Variants in AGRN observed in about 807,000 individuals in gnomAD.
AGRN encodes agrin proteoglycan.
Under a neutral mutation model 211.0 loss-of-function variants are expected in AGRN, and 106 were observed. The observed-to-expected ratio is 0.50, with a 90% CI of 0.43 to 0.59. The LOEUF is 0.59. Among genes scored for constraint, AGRN ranks in the 20% least tolerant of loss-of-function variants. AGRN has a pLI of 0.00. For missense variants in AGRN, 3,040 were observed against 2,982.6 expected, an observed-to-expected ratio of 1.02 and a Z score of -0.45; for synonymous variants, 1,525 against 1,332.5, an observed-to-expected ratio of 1.14 and a Z score of -3.15.
At chr1:1,052,073 G>A in intron 33 of AGRN, 3 of 1,468,036 alleles carry the variant, frequency 2.0e-6, no homozygotes, top group South Asian at 2.4e-5. Flanking sequence ...CATCCTTCCT[G>A]GTGGGGAGCA....
At chr1:1,051,202 G>T (rs761679389) in intron 30 of AGRN, 51 bp from the exon 31 acceptor site, 8 of 1,553,110 alleles carry the variant, frequency 5.2e-6, no homozygotes, top group Non-Finnish European at 7.0e-6. Context: ...TGGGCCCTGG[G>T]TCTGCACCGT....
chr1:1,028,320 G>GCACCCC (rs779617012), intron 2 of AGRN, among the ~76,000 whole-genome samples: 1,142 of 105,106 alleles, frequency 0.011, 100 homozygotes, highest in African/African-American at 0.019. Context: ...GTGGGGAAAC[G>GCACCCC]CCCCCCCCCC....
At chr1:1,045,069 G>T (rs1645052569) in intron 12 of AGRN, 92 bp from the exon 13 acceptor site, 1 of 1,390,662 alleles carries the variant, frequency 7.2e-7, no homozygotes, top group Admixed American at 1.7e-5. Flanking sequence ...CGGCTGAGTG[G>T]TGACAGTGGG....
At chr1:1,045,042 G>C in intron 12 of AGRN, 119 bp from the exon 13 acceptor site, 2 of 1,133,934 alleles carry the variant, frequency 1.8e-6, no homozygotes, top group Non-Finnish European at 2.7e-6. Flanking sequence ...GGGCTCCTCT[G>C]GGAGCTGGGA....
At chr1:1,045,610 C>A (rs1484782786) in intron 14 of AGRN, 87 bp downstream of exon 14, 2 of 1,605,388 alleles carry the variant, frequency 1.2e-6, no homozygotes, top group Non-Finnish European at 1.7e-6. Flanking sequence ...CCTGCCCAGG[C>A]CCTGGCCTGA....
chr1:1,035,913 G>A (rs1405207423), intron 3 of AGRN, among the ~76,000 whole-genome samples: 1 of 152,124 alleles, frequency 6.6e-6, no homozygotes, highest in East Asian at 1.9e-4. Context: ...TCCTCCCCGG[G>A]GTGCTCCTGG....
At position 1,026,219 on chromosome 1, in the gene AGRN, C is replaced by T. The variant is rs78583450; in HGVS notation, c.463+3757C>T. Among the ~76,000 whole-genome samples the T allele has an allele frequency of 3.0e-3, 463 of 152,256 alleles. 12 individuals are homozygous for T. The East Asian group carries it at 0.079, about 26-fold the overall frequency. On this transcript the variant is annotated intron_variant, in intron 2 of 35. Transcript: ENST00000379370. Reference sequence around the variant, plus strand: ...GGGAAGGTTGTTTTGGAACTGGGCTCGCTCCCGCTTGTCCACACTGGCCGC... The same window carrying T: ...GGGAAGGTTGTTTTGGAACTGGGCTTGCTCCCGCTTGTCCACACTGGCCGC...
chr1:1,054,190 G>A (rs1406475910), intron 34 of AGRN, among the ~76,000 whole-genome samples: 2 of 152,198 alleles, frequency 1.3e-5, no homozygotes, highest in East Asian at 3.8e-4. Flanking sequence ...GGCCCTGCCC[G>A]GAGCCTGCCG....
intron 2 of AGRN, among the ~76,000 whole-genome samples, chr1:1,033,812 A>G (rs1254771761): frequency 1.4e-4 from 5 of 36,688 alleles, no homozygotes; most frequent in African/African-American, 4.1e-4. Flanking sequence ...CCCCGGGCCC[A>G]GCCCCAGCCC....
At chr1:1,029,103 C>T (rs982793262) in intron 2 of AGRN, among the ~76,000 whole-genome samples, 4 of 149,890 alleles carry the variant, frequency 2.7e-5, no homozygotes, top group Non-Finnish European at 5.9e-5. Flanking sequence ...CGCCCACAGC[C>T]ACGCCACCCT....
chr1:1,028,350 C>T (rs1481761596), intron 2 of AGRN, among the ~76,000 whole-genome samples: 3 of 130,536 alleles, frequency 2.3e-5, no homozygotes, highest in African/African-American at 8.4e-5. Flanking sequence ...CTGCACCTGG[C>T]TGGCGGCACC....
Position 1,040,830 on chromosome 1 carries a change from C to T in AGRN, c.677C>T (p.Ala226Val). Residue 226 changes from alanine to valine, a missense_variant, in exon 4 of 36, where the codon GCG (alanine) becomes GTG (valine). Coordinates refer to ENST00000379370, the MANE Select transcript of AGRN (RefSeq NM_198576.4). Reference sequence around the variant, plus strand: ...AGCAACGAATGCGAGCTGCAGCGGGCGCAGTGCAGCCAGCAGCGCCGCATC... The same window carrying T: ...AGCAACGAATGCGAGCTGCAGCGGGTGCAGTGCAGCCAGCAGCGCCGCATC... ...TYSNECELQR[A>V]QCSQQRRIRL... 1 of 1,536,010 alleles carries T rather than the reference C, an allele frequency of 6.5e-7. No individual in the cohort carries two copies. Among genetic ancestry groups the T allele is most frequent in the Non-Finnish European group, 8.7e-7 (1 of 1,147,214 alleles).
chr1:1,029,385 G>GGATCAGTGTCTATGCAGGCAGGTGGGGT (rs1644596348), intron 2 of AGRN, among the ~76,000 whole-genome samples: 1 of 124,910 alleles, frequency 8.0e-6, no homozygotes, highest in Non-Finnish European at 1.7e-5. Context: ...GCAGGTGGGG[G>GGATCAGTGTCTATGCAGGCAGGTGGGGT]GATCAGTGTC....
Position 1,046,020 on chromosome 1 carries a change from G to C in AGRN, c.2737G>C (p.Val913Leu). Residue 913 changes from valine (V) to leucine (L), a missense_variant, in exon 16 of 36, where the codon GTG (valine) becomes CTG (leucine). Physicochemically the swap from Val to Leu is conservative, Grantham distance 32 (BLOSUM62 1). This residue lies in a region of AGRN where 1,498 missense variants were observed against 1,457.8 expected (regional missense o/e 1.03). Coordinates refer to ENST00000379370, the MANE Select transcript of AGRN (RefSeq NM_198576.4). ...GCGCTGTGAGTTCGGTGCGCGGTGC[G>C]TGGAGGAGTCTGGCTCAGCCCACTG... ...EMRCEFGARC[V>L]EESGSAHCVC... The C allele has an allele frequency of 1.2e-6, 2 of 1,614,034 alleles. No homozygotes were observed. Among genetic ancestry groups the C allele is most frequent in the Non-Finnish European group, 1.7e-6 (2 of 1,180,012 alleles).
chr1:1,023,674 C>T (rs1318790906), intron 2 of AGRN, among the ~76,000 whole-genome samples: 1 of 152,166 alleles, frequency 6.6e-6, no homozygotes, highest in Admixed American at 6.5e-5. Flanking sequence ...CAGGTGGGTC[C>T]AGCCCGAGAG....
intron 33 of AGRN, chr1:1,053,529 C>G: frequency 6.5e-7 from 1 of 1,529,366 alleles, no homozygotes; most frequent in South Asian, 1.2e-5. Flanking sequence ...AGACCCCTGG[C>G]TGGCCCATCT....
In AGRN at chr1:1,051,561, C is replaced by G. The variant is rs1336650223; in HGVS notation, c.5479C>G (p.Leu1827Val). ...PCTRASGHPC[L>V]NGASCVPREA... is the part of the protein sequence containing the mutation. ...CACCCGGGCCTCAGGCCACCCCTGC[C>G]TCAATGGGGCCTCCTGCGTCCCGAG... The change falls in exon 32 of 36, where the codon CTC becomes GTC. Residue 1827 changes from leucine to valine, a missense_variant. Physicochemically the swap from Leu to Val is conservative, Grantham distance 32 (BLOSUM62 1). Around this residue, in one of 3 missense-constraint regions of AGRN, gnomAD observed 1,537 missense variants for 1,505.0 expected, o/e 1.02. Transcript: ENST00000379370. 6.3e-7 allele frequency: 1 copy of G among 1,586,260 alleles called. No homozygotes were observed. Among genetic ancestry groups the G allele is most frequent in the African/African-American group, 1.3e-5 (1 of 74,614 alleles).
Position 1,048,187 on chromosome 1 carries a change from G to A in AGRN, c.3927G>A (p.Arg1309=). 6.4e-7 allele frequency: 1 copy of A among 1,569,090 alleles called. No individual in the cohort carries two copies. The highest frequency in any genetic ancestry group is 8.6e-7 in the Non-Finnish European group (1 of 1,161,636). Reference sequence around the variant, plus strand: ...CCACGGCAGCCCCCACCACACGTCGGCCCCCCACCACTGCCCCCAGCCGTG... The same window carrying A: ...CCACGGCAGCCCCCACCACACGTCGACCCCCCACCACTGCCCCCAGCCGTG... ...AKTTAAPTTR[R]PPTTAPSRVP... is the part of the protein sequence containing the mutation. Residue 1309 remains arginine, a synonymous_variant, in exon 23 of 36, where the codon CGG becomes CGA. Coordinates refer to ENST00000379370, the MANE Select transcript of AGRN (RefSeq NM_198576.4). This position sits in a 1 kb window ranked among gnomAD's most constrained non-coding sequence, Gnocchi z 5.9.
chr1:1,041,700 G>C lies in AGRN; in HGVS notation c.1175G>C (p.Arg392Pro), dbSNP rs1644943949. The change falls in exon 6 of 36, where the codon CGA (arginine) becomes CCA (proline). Residue 392 changes from arginine (R) to proline (P), a missense_variant and splice_region_variant. Transcript: ENST00000379370. ...GTGCGCTCCGGCCAGTGCCAGGGTC[G>C]AGGTGAGCGGCTCCCCCGGGGGAGG... Reference protein sequence around the residue: ...QKVRSGQCQGRDQCPEPCRFN... With the variant: ...QKVRSGQCQGPDQCPEPCRFN... 6.2e-7 allele frequency: 1 copy of C among 1,607,024 alleles called. No individual in the cohort carries two copies. The highest frequency in any genetic ancestry group is 8.5e-7 in the Non-Finnish European group (1 of 1,178,070).
Sources: gnomAD v4.1 joint callset for allele counts (sites outside exome capture counted in the v4.1 genomes callset) on GRCh38, gnomAD v4.1.1 for gene constraint, gnomAD v4.1.1 regional missense constraint, Gnocchi (gnomAD v3.1) non-coding constraint, MANE v1.5 for transcripts, NCBI Gene and HGNC (gene_info 2026-07-23, HGNC 2026-07-21) for gene names.